Variants in PPARGC1A observed in about 807,000 individuals in gnomAD.
The protein encoded by PPARGC1A is peroxisome proliferator-activated receptor gamma coactivator 1-alpha.
PPARGC1A carries 25 observed loss-of-function variants against 88.7 expected under a neutral mutation model. The observed-to-expected ratio is 0.28, with a 90% CI of 0.21 to 0.39. The LOEUF is 0.39. Among genes scored for constraint, PPARGC1A ranks in the 10% least tolerant of loss-of-function variants. The probability of loss-of-function intolerance (pLI) is 1.00; values close to 1 mark genes in which losing one functional copy is unlikely to be tolerated. For missense variants in PPARGC1A, 880 were observed against 968.7 expected, an observed-to-expected ratio of 0.91 and a Z score of 1.22; for synonymous variants, 363 against 355.6, an observed-to-expected ratio of 1.02 and a Z score of -0.24.
At chr4:23,807,749 GTGTGTA>G (rs1165849416) in intron 10 of PPARGC1A, among the ~76,000 whole-genome samples, 1 of 149,050 alleles carries the variant, frequency 6.7e-6, no homozygotes, top group African/African-American at 2.6e-5. Flanking sequence ...GTGTGTGTGT[GTGTGTA>G]TGTGTGTGTG....
At chr4:23,840,199 A>T (rs547038683) in intron 2 of PPARGC1A, among the ~76,000 whole-genome samples, 1 of 152,160 alleles carries the variant, frequency 6.6e-6, no homozygotes, top group East Asian at 1.9e-4. Context: ...ATAATTTATC[A>T]TCCAAGCAGA....
At chr4:24,437,834 T>A in the PPARGC1A span, among the ~76,000 whole-genome samples, 2 of 151,834 alleles carry the variant, frequency 1.3e-5, no homozygotes, top group Non-Finnish European at 2.9e-5. Context: ...TTTTGTTTCT[T>A]TTGGTTTTGG....
At chr4:24,253,399 A>C in the PPARGC1A span, among the ~76,000 whole-genome samples, 1 of 152,222 alleles carries the variant, frequency 6.6e-6, no homozygotes, top group South Asian at 2.1e-4. Context: ...ATAGTGAATT[A>C]GGACAAAGTT....
chr4:23,944,970 T>C, the PPARGC1A span, among the ~76,000 whole-genome samples: 2 of 152,288 alleles, frequency 1.3e-5, no homozygotes, highest in East Asian at 3.9e-4. Flanking sequence ...TATCACCTAT[T>C]AGCTATATGA....
At chr4:23,829,415 A>G in intron 4 of PPARGC1A, 48 bp downstream of exon 4, 1 of 1,597,364 alleles carries the variant, frequency 6.3e-7, no homozygotes, top group South Asian at 1.1e-5. Flanking sequence ...GCTTCAAGCC[A>G]AAATCCTTTG....
chr4:23,827,925 A>G (rs992851191), intron 5 of PPARGC1A, among the ~76,000 whole-genome samples: 1 of 152,058 alleles, frequency 6.6e-6, no homozygotes, highest in African/African-American at 2.4e-5. Context: ...AAAGAACAAG[A>G]AGAATTAGAA....
the PPARGC1A span, among the ~76,000 whole-genome samples, chr4:24,378,463 A>G: frequency 1.3e-5 from 2 of 151,934 alleles, no homozygotes; most frequent in African/African-American, 4.9e-5. Context: ...ACTGTGCTAC[A>G]ACTTCAATAA....
chr4:23,830,963 T>C (rs1347598261), intron 3 of PPARGC1A, among the ~76,000 whole-genome samples: 1 of 152,200 alleles, frequency 6.6e-6, no homozygotes, highest in East Asian at 1.9e-4. Flanking sequence ...TGCACATTCG[T>C]TGATCTACCA....
chr4:24,274,401 C>T, the PPARGC1A span, among the ~76,000 whole-genome samples: 1 of 152,072 alleles, frequency 6.6e-6, no homozygotes, highest in African/African-American at 2.4e-5. Flanking sequence ...TGTAAAGGGC[C>T]AGACAGTGAT....
intron 10 of PPARGC1A, among the ~76,000 whole-genome samples, chr4:23,804,546 G>A (rs193094559): frequency 6.6e-5 from 10 of 152,160 alleles, no homozygotes; most frequent in Admixed American, 3.9e-4. Flanking sequence ...ATCCAATGAC[G>A]TCCATTAACT....
the PPARGC1A span, among the ~76,000 whole-genome samples, chr4:24,294,098 G>A: frequency 6.6e-6 from 1 of 152,116 alleles, no homozygotes; most frequent in Non-Finnish European, 1.5e-5. Flanking sequence ...AGTAGAACTG[G>A]CTCCATCCCA....
the PPARGC1A span, among the ~76,000 whole-genome samples, chr4:24,034,282 A>G: frequency 2.6e-5 from 4 of 152,026 alleles, no homozygotes; most frequent in Non-Finnish European, 5.9e-5. Flanking sequence ...CACAAAGTAA[A>G]ACAAAAAAAG....
chr4:23,944,374 T>C, the PPARGC1A span, among the ~76,000 whole-genome samples: 2 of 152,202 alleles, frequency 1.3e-5, no homozygotes, highest in African/African-American at 4.8e-5. Context: ...TCTCCCATCA[T>C]AGAGCACAGA....
chr4:24,005,768 G>A, the PPARGC1A span, among the ~76,000 whole-genome samples: 1 of 152,094 alleles, frequency 6.6e-6, no homozygotes, highest in Non-Finnish European at 1.5e-5. Flanking sequence ...CTCTGAACAT[G>A]TGTTGATTGG....
the PPARGC1A span, among the ~76,000 whole-genome samples, chr4:23,981,058 T>C: frequency 2.0e-5 from 3 of 152,012 alleles, no homozygotes; most frequent in African/African-American, 7.2e-5. Flanking sequence ...ACTCATTATC[T>C]ACATCTCAAA....
the PPARGC1A span, among the ~76,000 whole-genome samples, chr4:24,122,406 T>TGA: frequency 2.2e-5 from 3 of 138,314 alleles, no homozygotes; most frequent in African/African-American, 8.2e-5. Context: ...TGTGTGTGTG[T>TGA]GTGTGTGTGC....
intron 10 of PPARGC1A, among the ~76,000 whole-genome samples, chr4:23,808,566 C>T (rs2970887): frequency 0.22 from 33,745 of 152,042 alleles, 4,494 homozygotes; most frequent in Admixed American, 0.33. Context: ...AGTTTAGACA[C>T]TAAGTACTAA....
chr4:23,898,999 C>T (rs1262541533), intron 1 of PPARGC1A, among the ~76,000 whole-genome samples: 3 of 151,928 alleles, frequency 2.0e-5, no homozygotes, highest in African/African-American at 7.3e-5. Flanking sequence ...CGACGCCCGG[C>T]TAATTTTTTT....
chr4:24,019,017 AGAAT>A, the PPARGC1A span, among the ~76,000 whole-genome samples: 1 of 152,210 alleles, frequency 6.6e-6, no homozygotes, highest in Non-Finnish European at 1.5e-5. Context: ...AACAAACAAT[AGAAT>A]GATACTATTT....
Sources: gnomAD v4.1 joint callset for allele counts (sites outside exome capture counted in the v4.1 genomes callset) on GRCh38, gnomAD v4.1.1 for gene constraint, MANE v1.5 for transcripts, NCBI Gene and HGNC (gene_info 2026-07-23, HGNC 2026-07-21) for gene names.